GPC3: variants seen among roughly 807,000 people sequenced by gnomAD.
GPC3 encodes glypican 3.
Under a neutral mutation model 34.4 loss-of-function variants are expected in GPC3, and 3 were observed. That is an observed-to-expected ratio of 0.09 (90% CI 0.04 to 0.23). The LOEUF is 0.23. GPC3 is among the 10% of genes least tolerant of loss of function. GPC3 has a pLI of 1.00. For missense variants in GPC3, 351 were observed against 445.6 expected, an observed-to-expected ratio of 0.79 and a Z score of 1.91; for synonymous variants, 177 against 174.0, an observed-to-expected ratio of 1.02 and a Z score of -0.13.
Position 133,883,103 on chromosome X carries a change from A to G in GPC3, c.337+69947T>C, listed in dbSNP as rs371436330. Among the ~76,000 whole-genome samples the G allele has an allele frequency of 1.6e-4, 18 of 111,792 alleles. No homozygotes were observed. In the East Asian group the frequency reaches 2.2e-3, roughly 14 times the overall value. ...TGTGTGTGTGTGTGTGTGAATGCTT[A>G]TATGTGTATATAGAGCTTTTCCCTA... On this transcript the variant is annotated intron_variant, in intron 2 of 7. Transcript: ENST00000370818.
At position 133,738,627 on chromosome X, in the gene GPC3, A is replaced by G. The variant is rs761765205; in HGVS notation, c.1032+14855T>C. 1.6e-4 allele frequency among the ~76,000 whole-genome samples: 18 copies of G among 112,085 alleles called. No individual in the cohort carries two copies. The East Asian group carries it at 5.1e-3, about 31-fold the overall frequency. ...CATTATACTGCACAATTCACACTCCAAAACAAAGGAGCCATAAACACAGCT... is the reference window on the plus strand; with the variant it reads ...CATTATACTGCACAATTCACACTCCGAAACAAAGGAGCCATAAACACAGCT... On this transcript the variant is annotated intron_variant, in intron 3 of 7. Coordinates refer to ENST00000370818, the MANE Select transcript of GPC3 (RefSeq NM_004484.4).
chrX:133,559,768 G>A (rs189280148), intron 7 of GPC3, among the ~76,000 whole-genome samples: 4 of 111,924 alleles, frequency 3.6e-5, no homozygotes, highest in Admixed American at 2.8e-4. Flanking sequence ...CTCCTCAAGC[G>A]TAAGATGTTA....
At chrX:133,823,744 A>C (rs747860633) in intron 2 of GPC3, among the ~76,000 whole-genome samples, 1 of 110,915 alleles carries the variant, frequency 9.0e-6, no homozygotes, top group South Asian at 3.8e-4. Context: ...CTTTGGGAGG[A>C]TGAGGCGGGC....
At chrX:133,853,328 A>C (rs2075884396) in intron 2 of GPC3, among the ~76,000 whole-genome samples, 1 of 111,787 alleles carries the variant, frequency 8.9e-6, no homozygotes, top group Non-Finnish European at 1.9e-5. Context: ...TCCCTCCTCT[A>C]GTCTCCTCAG....
intron 2 of GPC3, among the ~76,000 whole-genome samples, chrX:133,944,278 G>C (rs2076358057): frequency 8.9e-6 from 1 of 111,817 alleles, no homozygotes; most frequent in Non-Finnish European, 1.9e-5. Flanking sequence ...ATGAGTGCTA[G>C]AAAGGAAAAG....
At chrX:133,856,366 T>A (rs902195689) in intron 2 of GPC3, among the ~76,000 whole-genome samples, 11 of 110,894 alleles carry the variant, frequency 9.9e-5, no homozygotes, top group African/African-American at 3.6e-4. Flanking sequence ...CCCTAATGAT[T>A]AGTGATGTTG....
chrX:133,859,455 G>GA (rs1391454464), intron 2 of GPC3, among the ~76,000 whole-genome samples: 1 of 111,444 alleles, frequency 9.0e-6, no homozygotes, highest in East Asian at 2.8e-4. Flanking sequence ...CACCTGGGAA[G>GA]AAAAAACAAC....
chrX:133,648,712 C>T (rs1377009620), intron 6 of GPC3, among the ~76,000 whole-genome samples: 1 of 111,785 alleles, frequency 8.9e-6, no homozygotes, highest in East Asian at 2.8e-4. Flanking sequence ...ACGTCCTCTT[C>T]CAATCTGGCT....
intron 1 of GPC3, among the ~76,000 whole-genome samples, chrX:133,982,663 G>C (rs910087922): frequency 2.7e-5 from 3 of 112,033 alleles, no homozygotes; most frequent in Non-Finnish European, 5.6e-5. Flanking sequence ...CCCCCTAAGT[G>C]AAACAGGACA....
chrX:133,755,741 T>C, intron 2 of GPC3, among the ~76,000 whole-genome samples: 1 of 111,954 alleles, frequency 8.9e-6, no homozygotes, highest in Non-Finnish European at 1.9e-5. Flanking sequence ...GTTTGTTTGT[T>C]TGTTTAGAAC....
In GPC3 at chrX:133,721,027, A is replaced by G. The variant is rs754186016; in HGVS notation, c.1033-20999T>C. 3.6e-5 allele frequency among the ~76,000 whole-genome samples: 4 copies of G among 109,917 alleles called. No homozygotes were observed. The East Asian group carries it at 1.1e-3, about 32-fold the overall frequency. On this transcript the variant is annotated intron_variant, in intron 3 of 7. Transcript: ENST00000370818. ...ACCAAAAACCACCTGTTCCCCAAAA[A>G]CTATTGAAATAAAAATTTTTAAAAA... is the stretch of plus-strand genomic sequence containing the variant.
chrX:133,635,100 T>C (rs1238434543), intron 6 of GPC3, among the ~76,000 whole-genome samples: 1 of 111,916 alleles, frequency 8.9e-6, no homozygotes, highest in African/African-American at 3.2e-5. Flanking sequence ...ATGAAATTCC[T>C]GCTCTTCTGA....
At chrX:133,868,386 C>T (rs2075978381) in intron 2 of GPC3, among the ~76,000 whole-genome samples, 1 of 111,913 alleles carries the variant, frequency 8.9e-6, no homozygotes, top group Non-Finnish European at 1.9e-5. Flanking sequence ...TCAAATAATA[C>T]TTGTGGAATC....
intron 2 of GPC3, among the ~76,000 whole-genome samples, chrX:133,853,295 ATCT>A (rs894813621): frequency 6.3e-5 from 7 of 111,831 alleles, no homozygotes; most frequent in African/African-American, 1.3e-4. Flanking sequence ...TTCCCATAAC[ATCT>A]TCTTCTTCTA....
intron 2 of GPC3, among the ~76,000 whole-genome samples, chrX:133,805,164 A>G (rs1280393145): frequency 8.9e-6 from 1 of 112,274 alleles, no homozygotes; most frequent in Non-Finnish European, 1.9e-5. Context: ...TTATCTGATT[A>G]TTTTGTCTTG....
At chrX:133,568,922 T>A (rs2069602853) in intron 7 of GPC3, among the ~76,000 whole-genome samples, 1 of 111,821 alleles carries the variant, frequency 8.9e-6, no homozygotes, top group African/African-American at 3.3e-5. Flanking sequence ...ATCCTAGCAC[T>A]TTGAGAGGTG....
At chrX:133,734,654 C>T (rs185993762) in intron 3 of GPC3, among the ~76,000 whole-genome samples, 8 of 111,171 alleles carry the variant, frequency 7.2e-5, no homozygotes, top group African/African-American at 2.0e-4. Flanking sequence ...AGAAATGAAA[C>T]TGTATATGCA....
intron 5 of GPC3, among the ~76,000 whole-genome samples, chrX:133,690,784 A>G (rs2071054067): frequency 2.7e-5 from 3 of 111,807 alleles, no homozygotes. Flanking sequence ...GGGGGAAACC[A>G]AGGCCTAGAG....
chrX:133,787,427 T>C (rs1381825502), intron 2 of GPC3, among the ~76,000 whole-genome samples: 3 of 112,643 alleles, frequency 2.7e-5, no homozygotes, highest in Non-Finnish European at 5.6e-5. Context: ...TTCCCCATTG[T>C]TGTAGAAGGT....
Sources: gnomAD v4.1 joint callset for allele counts (sites outside exome capture counted in the v4.1 genomes callset) on GRCh38, gnomAD v4.1.1 for gene constraint, MANE v1.5 for transcripts, NCBI Gene and HGNC (gene_info 2026-07-23, HGNC 2026-07-21) for gene names.